The following ACTR3C variants were observed in gnomAD, a reference collection of about 807,000 sequenced individuals.
ACTR3C encodes the protein actin-related protein 3C.
Under a neutral mutation model 26.3 loss-of-function variants are expected in ACTR3C, and 18 were observed. The ratio of observed to expected loss-of-function variants is 0.68; its 90% CI spans 0.47 to 1.01. The LOEUF (loss-of-function observed/expected upper bound fraction) is 1.01. ACTR3C is among the 50% of genes least tolerant of loss of function. The pLI, the probability that ACTR3C is intolerant of heterozygous loss-of-function variation, is 0.00. For synonymous variants in ACTR3C, 55 were observed against 94.5 expected (o/e 0.58, Z 2.42); for missense variants, 184 against 250.7 (o/e 0.73, Z 1.80).
the ACTR3C span, among the ~76,000 whole-genome samples, chr7:149,952,059 G>A: frequency 1.3e-5 from 2 of 150,476 alleles, no homozygotes; most frequent in African/African-American, 5.0e-5. Flanking sequence ...TGTCTTCACA[G>A]GGCAGAGAGA....
intron 1 of ACTR3C, among the ~76,000 whole-genome samples, chr7:150,300,942 A>C (rs1011699301): frequency 6.6e-6 from 1 of 152,174 alleles, no homozygotes; most frequent in African/African-American, 2.4e-5. Context: ...AGAGATGCAG[A>C]TTCCAATAGT....
At chr7:150,040,523 G>C in the ACTR3C span, 1 of 147,828 alleles carries the variant, frequency 6.8e-6, no homozygotes, top group Non-Finnish European at 1.5e-5. Context: ...CACAGTCTAC[G>C]AAACCCCACA....
intron 1 of ACTR3C, among the ~76,000 whole-genome samples, chr7:150,315,963 C>T (rs1057497250): frequency 6.6e-6 from 1 of 152,144 alleles, no homozygotes; most frequent in African/African-American, 2.4e-5. Context: ...TTCGGGAGGC[C>T]GAGGCGGGTG....
the ACTR3C span, among the ~76,000 whole-genome samples, chr7:149,958,199 G>A: frequency 6.6e-6 from 1 of 151,952 alleles, no homozygotes; most frequent in Non-Finnish European, 1.5e-5. Flanking sequence ...AGCCCATGGG[G>A]ACACCTCTTT....
At chr7:150,151,053 T>TATAA in the ACTR3C span, among the ~76,000 whole-genome samples, 40,999 of 91,228 alleles carry the variant, frequency 0.45, 13,701 homozygotes, top group East Asian at 0.9. Flanking sequence ...ACAGTAAAAC[T>TATAA]ATATTTTCCT....
the ACTR3C span, among the ~76,000 whole-genome samples, chr7:149,954,339 A>G: frequency 0.076 from 11,589 of 151,510 alleles, 1,322 homozygotes; most frequent in African/African-American, 0.25. Context: ...TCTTAAAGAT[A>G]GGATGCAATG....
chr7:149,891,492 C>A, the ACTR3C span: 1 of 339,558 alleles, frequency 2.9e-6, no homozygotes, highest in Admixed American at 4.5e-5. Context: ...TTCATATTCT[C>A]CTCCACTCAT....
chr7:150,248,609 T>G (rs1832615378), intron 7 of ACTR3C: 1 of 153,076 alleles, frequency 6.5e-6, no homozygotes. Flanking sequence ...TGCAGTGAGC[T>G]GAGATCGCAC....
chr7:150,135,813 G>GAAAGA, the ACTR3C span, among the ~76,000 whole-genome samples: 33 of 141,330 alleles, frequency 2.3e-4, no homozygotes, highest in South Asian at 6.7e-4. Context: ...AGAAAGGAAA[G>GAAAGA]AAAGAAAAGA....
chr7:150,044,485 G>A, the ACTR3C span, among the ~76,000 whole-genome samples: 1 of 152,148 alleles, frequency 6.6e-6, no homozygotes, highest in African/African-American at 2.4e-5. Context: ...TTGCATGTTA[G>A]TACTGACCCA....
chr7:150,123,722 A>G, the ACTR3C span, among the ~76,000 whole-genome samples: 1 of 152,150 alleles, frequency 6.6e-6, no homozygotes, highest in Non-Finnish European at 1.5e-5. Context: ...GAAAGAAAAC[A>G]TGGAGATTTC....
chr7:150,220,790 C>T, the ACTR3C span, among the ~76,000 whole-genome samples: 1 of 152,310 alleles, frequency 6.6e-6, no homozygotes, highest in African/African-American at 2.4e-5. Flanking sequence ...GCAAGGAGCC[C>T]ACGGGTGCGC....
the ACTR3C span, among the ~76,000 whole-genome samples, chr7:150,162,180 C>T: frequency 4.6e-5 from 7 of 152,100 alleles, no homozygotes; most frequent in Non-Finnish European, 8.8e-5. Context: ...ATGAAATAAA[C>T]TTGTTTCTGC....
intron 1 of ACTR3C, among the ~76,000 whole-genome samples, chr7:150,297,510 G>C (rs1271386468): frequency 6.6e-6 from 1 of 152,138 alleles, no homozygotes; most frequent in African/African-American, 2.4e-5. Context: ...AGAAAGTCCA[G>C]CAAAAGACTT....
the ACTR3C span, among the ~76,000 whole-genome samples, chr7:150,233,837 T>C: frequency 2.6e-5 from 4 of 152,174 alleles, no homozygotes; most frequent in Non-Finnish European, 4.4e-5. Context: ...TTCTGATGCT[T>C]GCTTTGTCTT....
chr7:150,124,964 C>T, the ACTR3C span, among the ~76,000 whole-genome samples: 5 of 152,278 alleles, frequency 3.3e-5, 1 homozygote, highest in South Asian at 4.1e-4. Context: ...AAGTTGCCTC[C>T]GACCTCACAT....
the ACTR3C span, among the ~76,000 whole-genome samples, chr7:150,143,866 C>T: frequency 3.3e-5 from 5 of 152,162 alleles, no homozygotes; most frequent in Admixed American, 2.6e-4. Context: ...AGGCAAGAGG[C>T]CCCCTGTGGA....
At chr7:150,298,246 TG>T (rs1480975995) in intron 1 of ACTR3C, among the ~76,000 whole-genome samples, 2 of 150,024 alleles carry the variant, frequency 1.3e-5, no homozygotes, top group Non-Finnish European at 2.9e-5. Context: ...TATGCAAACA[TG>T]AGTCCTTTTA....
chr7:149,886,732 G>T, the ACTR3C span, among the ~76,000 whole-genome samples: 2 of 152,200 alleles, frequency 1.3e-5, no homozygotes, highest in Non-Finnish European at 2.9e-5. Flanking sequence ...AAGGCGGGCG[G>T]ATCCCTTGAG....
Sources: allele counts gnomAD v4.1 joint callset (sites outside exome capture counted in the v4.1 genomes callset), GRCh38; gene constraint gnomAD v4.1.1; transcripts MANE v1.5; gene names NCBI Gene and HGNC (gene_info 2026-07-23, HGNC 2026-07-21).